Variants in TCF4 observed in about 807,000 individuals in gnomAD.
The protein encoded by TCF4 is transcription factor 4.
In TCF4, 3 loss-of-function variants were observed where a neutral mutation model predicts 82.1. The ratio of observed to expected loss-of-function variants is 0.04; its 90% CI spans 0.02 to 0.09. The LOEUF (loss-of-function observed/expected upper bound fraction) is 0.09. TCF4 is among the 10% of genes least tolerant of loss of function. The pLI, the probability that TCF4 is intolerant of heterozygous loss-of-function variation, is 1.00. For missense variants in TCF4, 518 were observed against 852.7 expected (o/e 0.61, Z 4.89); for synonymous variants, 276 against 309.6 (o/e 0.89, Z 1.14).
At chr18:55,280,980 T>C (rs2062483749) in intron 8 of TCF4, among the ~76,000 whole-genome samples, 1 of 151,528 alleles carries the variant, frequency 6.6e-6, no homozygotes, top group African/African-American at 2.4e-5. Context: ...CCCTTGAAAA[T>C]TGGGAGGTCC....
chr18:55,415,448 T>C (rs1441042785), intron 5 of TCF4, among the ~76,000 whole-genome samples: 1 of 152,170 alleles, frequency 6.6e-6, no homozygotes, highest in Non-Finnish European at 1.5e-5. Context: ...AGTCAGTTCC[T>C]ATGTGAGCAG....
chr18:55,563,504 C>T (rs138281948), intron 3 of TCF4, among the ~76,000 whole-genome samples: 1 of 152,314 alleles, frequency 6.6e-6, no homozygotes, highest in East Asian at 1.9e-4. Context: ...GAGTAATACA[C>T]ATGAAAGAAC....
chr18:55,506,573 T>C (rs1019351310), intron 3 of TCF4, among the ~76,000 whole-genome samples: 2 of 151,778 alleles, frequency 1.3e-5, no homozygotes, highest in South Asian at 2.1e-4. Context: ...CACACACACA[T>C]ATACATACCC....
intron 15 of TCF4, among the ~76,000 whole-genome samples, chr18:55,250,152 T>C (rs1192633492): frequency 6.6e-6 from 1 of 152,180 alleles, no homozygotes; most frequent in Non-Finnish European, 1.5e-5. Context: ...TGGGTGGTTA[T>C]AGTAAGAAAA....
intron 2 of TCF4, among the ~76,000 whole-genome samples, chr18:55,621,793 T>C (rs1603625580): frequency 1.1e-5 from 1 of 88,672 alleles, no homozygotes; most frequent in Non-Finnish European, 2.0e-5. Context: ...ATATATTATA[T>C]ATTATATGTT....
intron 5 of TCF4, among the ~76,000 whole-genome samples, chr18:55,428,823 C>A (rs538846858): frequency 2.0e-5 from 3 of 152,060 alleles, no homozygotes; most frequent in Non-Finnish European, 4.4e-5. Flanking sequence ...TTAGTTGGAG[C>A]CTTATTGCCT....
chr18:55,558,002 C>T (rs1476012951), intron 3 of TCF4, among the ~76,000 whole-genome samples: 1 of 151,984 alleles, frequency 6.6e-6, no homozygotes, highest in Non-Finnish European at 1.5e-5. Context: ...GCCAGGAGTT[C>T]CAGACCAGCC....
intron 3 of TCF4, chr18:55,483,016 T>C (rs1603545756): frequency 6.6e-6 from 1 of 152,202 alleles, no homozygotes; most frequent in African/African-American, 2.4e-5. Context: ...TCAAGTAATG[T>C]CTTGCCCACT....
At chr18:55,369,328 A>G (rs1372990890) in intron 6 of TCF4, among the ~76,000 whole-genome samples, 1 of 152,198 alleles carries the variant, frequency 6.6e-6, no homozygotes. Context: ...TCTCTTTCTC[A>G]GTGTAACAGA....
intron 3 of TCF4, among the ~76,000 whole-genome samples, chr18:55,529,113 G>A (rs1038428902): frequency 3.3e-5 from 5 of 152,232 alleles, no homozygotes; most frequent in African/African-American, 1.2e-4. Flanking sequence ...AGGAGGTGGA[G>A]GTTGCAGTGA....
intron 15 of TCF4, among the ~76,000 whole-genome samples, chr18:55,239,436 T>C (rs2050533387): frequency 6.6e-6 from 1 of 152,094 alleles, no homozygotes; most frequent in African/African-American, 2.4e-5. Flanking sequence ...AACAATTATA[T>C]AGGAGAGGGG....
At position 55,254,431 on chromosome 18, in the gene TCF4, T is replaced by C. The variant is rs78245018; in HGVS notation, c.1350+66A>G. ...CTGATTTTTTAAAAAACAGCAACAATAGTATCTATATCTGAAATTCTAACT... is the reference window on the plus strand; with the variant it reads ...CTGATTTTTTAAAAAACAGCAACAACAGTATCTATATCTGAAATTCTAACT... On this transcript the variant is annotated intron_variant, in intron 15 of 19. Transcript: ENST00000354452. 6.6e-4 allele frequency: 979 copies of C among 1,478,956 alleles called. 9 individuals are homozygous for C. In the African/African-American group the frequency reaches 9.9e-3, roughly 15 times the overall value. 91.6% of individuals were successfully genotyped at this position (1,478,956 alleles called of 1,614,324 possible). A position where few individuals can be genotyped will look rare whatever the true frequency, so the allele number is the denominator to read the frequency against.
At chr18:55,393,652 A>G (rs1244191770) in intron 6 of TCF4, among the ~76,000 whole-genome samples, 1 of 152,222 alleles carries the variant, frequency 6.6e-6, no homozygotes, top group African/African-American at 2.4e-5. Context: ...CAGATTCTCA[A>G]AATGTTTGCT....
At chr18:55,234,009 CTCCTAG>C (rs2048648568) in intron 16 of TCF4, among the ~76,000 whole-genome samples, 3 of 152,016 alleles carry the variant, frequency 2.0e-5, no homozygotes, top group Admixed American at 1.3e-4. Context: ...ATCTAAGCGA[CTCCTAG>C]TCAGCTGGCC....
intron 3 of TCF4, among the ~76,000 whole-genome samples, chr18:55,507,670 C>T (rs1203488893): frequency 2.0e-5 from 3 of 152,132 alleles, no homozygotes; most frequent in African/African-American, 7.2e-5. Flanking sequence ...GAAATGAACA[C>T]CTTTGCACCT....
At chr18:55,551,842 G>C (rs934332784) in intron 3 of TCF4, 3 of 152,086 alleles carry the variant, frequency 2.0e-5, no homozygotes, top group African/African-American at 4.8e-5. Context: ...ATTTAAAAGA[G>C]CACAAGGAAA....
chr18:55,606,290 G>A lies in TCF4; in HGVS notation c.287-19154C>T, dbSNP rs1317696362. Among the ~76,000 whole-genome samples, 6 of 152,110 alleles carry A rather than the reference G, an allele frequency of 3.9e-5. No individual in the cohort carries two copies. In the East Asian group the frequency reaches 9.6e-4, roughly 24 times the overall value. On this transcript the variant is annotated intron_variant, in intron 2 of 20. Coordinates refer to the TCF4 transcript ENST00000398339. ...GTCTACACATTTGGTCTAAAGTTACGGGGAACATCTTTATCCCATTACTTT... is the reference window on the plus strand; with the variant it reads ...GTCTACACATTTGGTCTAAAGTTACAGGGAACATCTTTATCCCATTACTTT...
At chr18:55,610,800 T>C (rs796176575) in intron 2 of TCF4, among the ~76,000 whole-genome samples, 11 of 152,358 alleles carry the variant, frequency 7.2e-5, no homozygotes, top group African/African-American at 2.6e-4. Flanking sequence ...ACATTTGTTT[T>C]GCTTTGCAAT....
chr18:55,621,448 AAT>A lies in TCF4; in HGVS notation c.286+9848_286+9849del, dbSNP rs1391976452. Among the ~76,000 whole-genome samples, 57 of 106,794 alleles carry A rather than the reference AAT, an allele frequency of 5.3e-4. 2 individuals carry two copies. The South Asian group carries it at 0.014, about 26-fold the overall frequency. 70.1% of individuals were successfully genotyped at this position (106,794 alleles called of 152,430 possible). On this transcript the variant is annotated intron_variant, in intron 2 of 20. Coordinates refer to the TCF4 transcript ENST00000398339. ...ATATAATATATAAAAATATATATAT[AAT>A]ATATATAATATATAATATATATAAA...
Sources: gnomAD v4.1 joint callset for allele counts (sites outside exome capture counted in the v4.1 genomes callset) on GRCh38, gnomAD v4.1.1 for gene constraint, MANE v1.5 for transcripts, NCBI Gene and HGNC (gene_info 2026-07-23, HGNC 2026-07-21) for gene names.